Variants in MYRIP observed in about 807,000 individuals in gnomAD.
MYRIP encodes rab effector MyRIP.
Under a neutral mutation model 98.0 loss-of-function variants are expected in MYRIP, and 49 were observed. The ratio of observed to expected loss-of-function variants is 0.50; its 90% CI spans 0.40 to 0.63. The LOEUF is 0.63. Among genes scored for constraint, MYRIP ranks in the 30% least tolerant of loss-of-function variants. The pLI is 0.00. For missense variants in MYRIP, 1,004 were observed against 1,058.2 expected (o/e 0.95, Z 0.71); for synonymous variants, 404 against 409.5 (o/e 0.99, Z 0.16).
At chr3:40,076,608 G>A (rs1434745321) in intron 3 of MYRIP, among the ~76,000 whole-genome samples, 2 of 152,220 alleles carry the variant, frequency 1.3e-5, no homozygotes, top group Non-Finnish European at 2.9e-5. Flanking sequence ...GCATGGAGGA[G>A]GACCACCTTC....
chr3:40,165,583 G>A (rs575853788), intron 5 of MYRIP, among the ~76,000 whole-genome samples: 21 of 152,208 alleles, frequency 1.4e-4, no homozygotes, highest in African/African-American at 5.1e-4. Flanking sequence ...TCCTGCACAT[G>A]ATGTGACTTG....
At chr3:39,878,792 C>T (rs1284740813) in intron 1 of MYRIP, among the ~76,000 whole-genome samples, 1 of 151,652 alleles carries the variant, frequency 6.6e-6, no homozygotes, top group Non-Finnish European at 1.5e-5. Flanking sequence ...CACAGTGGCT[C>T]ACACCTGTAA....
intron 2 of MYRIP, among the ~76,000 whole-genome samples, chr3:39,953,090 T>G (rs370543156): frequency 1.3e-5 from 2 of 152,194 alleles, no homozygotes. Context: ...GAGGTTTTAC[T>G]GTTCTCTGTT....
At chr3:40,217,261 A>G (rs1406808954) in intron 11 of MYRIP, among the ~76,000 whole-genome samples, 2 of 152,168 alleles carry the variant, frequency 1.3e-5, no homozygotes, top group Non-Finnish European at 2.9e-5. Context: ...TGAGTCTCAC[A>G]CACAAAAAAT....
chr3:40,120,989 A>G (rs916834842), intron 3 of MYRIP, among the ~76,000 whole-genome samples: 2 of 152,130 alleles, frequency 1.3e-5, no homozygotes, highest in Non-Finnish European at 2.9e-5. Flanking sequence ...TCACTGAACC[A>G]TACAGAGAGG....
intron 3 of MYRIP, among the ~76,000 whole-genome samples, chr3:40,134,518 T>C (rs1714410): frequency 0.83 from 126,698 of 152,234 alleles, 52,683 homozygotes; most frequent in South Asian, 0.88. Flanking sequence ...CCCTGTCTGA[T>C]AGCTTAGAAG....
chr3:40,074,781 A>G (rs1948307696), intron 3 of MYRIP, among the ~76,000 whole-genome samples: 1 of 152,204 alleles, frequency 6.6e-6, no homozygotes, highest in African/African-American at 2.4e-5. Context: ...CCATAAGAAA[A>G]CAACCTAATT....
chr3:39,916,006 A>G (rs1262151368), intron 2 of MYRIP, among the ~76,000 whole-genome samples: 1 of 152,060 alleles, frequency 6.6e-6, no homozygotes, highest in Non-Finnish European at 1.5e-5. Flanking sequence ...TAGCCAGAAA[A>G]AAGACACTTG....
intron 3 of MYRIP, among the ~76,000 whole-genome samples, chr3:40,067,002 T>G (rs1948139168): frequency 6.6e-6 from 1 of 152,176 alleles, no homozygotes; most frequent in African/African-American, 2.4e-5. Context: ...TTTCTATAGT[T>G]TCCAAAGCTT....
rs1940599995 is a variant in MYRIP, at chr3:39,809,707, T to G, written c.-240T>G. On this transcript the variant is annotated 5_prime_UTR_variant, in exon 1 of 17. Coordinates refer to ENST00000302541, the MANE Select transcript of MYRIP (RefSeq NM_015460.4). ...CTCCTGTCGGTTCCCGGGTTCCCGC[T>G]GCGGCTGCGGTTCTGGCAGCCGAGC... The G allele has an allele frequency of 6.6e-6, 1 of 152,040 alleles. No homozygotes were observed. 9.4% of individuals were successfully genotyped at this position (152,040 alleles called of 1,614,324 possible). A position where few individuals can be genotyped will look rare whatever the true frequency, so the allele number is the denominator to read the frequency against.
chr3:40,176,985 G>A (rs1950782056), intron 8 of MYRIP, among the ~76,000 whole-genome samples: 1 of 151,586 alleles, frequency 6.6e-6, no homozygotes, highest in African/African-American at 2.4e-5. Context: ...TGAAGTGGGA[G>A]GATCCTTTGA....
chr3:40,130,840 A>T (rs1949623068), intron 3 of MYRIP, among the ~76,000 whole-genome samples: 1 of 152,116 alleles, frequency 6.6e-6, no homozygotes, highest in African/African-American at 2.4e-5. Context: ...CCTTCCCTCC[A>T]AACCTGATCC....
chr3:40,000,988 G>T (rs1007100339), intron 2 of MYRIP, among the ~76,000 whole-genome samples: 1 of 152,202 alleles, frequency 6.6e-6, no homozygotes, highest in Non-Finnish European at 1.5e-5. Flanking sequence ...TTGTATTGGT[G>T]TTTCCCAAAG....
At chr3:40,164,151 C>T (rs1386676569) in intron 5 of MYRIP, among the ~76,000 whole-genome samples, 2 of 152,148 alleles carry the variant, frequency 1.3e-5, no homozygotes, top group Non-Finnish European at 2.9e-5. Flanking sequence ...TCCCTCTCCT[C>T]ATTTCCCCAC....
chr3:40,057,198 A>G (rs1947902765), intron 3 of MYRIP, among the ~76,000 whole-genome samples: 1 of 151,972 alleles, frequency 6.6e-6, no homozygotes, highest in South Asian at 2.1e-4. Context: ...AGATTCTGGT[A>G]AGCTCCAGAT....
intron 3 of MYRIP, among the ~76,000 whole-genome samples, chr3:40,108,045 C>G (rs751573513): frequency 1.3e-5 from 2 of 152,090 alleles, no homozygotes; most frequent in Non-Finnish European, 2.9e-5. Flanking sequence ...TAATTAGAAA[C>G]CTTTGTGTGG....
chr3:40,190,644 G>A (rs1378289839), intron 10 of MYRIP, among the ~76,000 whole-genome samples, 181 bp downstream of exon 10: 5 of 152,112 alleles, frequency 3.3e-5, no homozygotes, highest in Admixed American at 1.3e-4. Context: ...GGGACTCCAC[G>A]TCCTCTTTGG....
chr3:39,823,388 G>A (rs2125575614), intron 1 of MYRIP, among the ~76,000 whole-genome samples: 1 of 152,266 alleles, frequency 6.6e-6, no homozygotes, highest in South Asian at 2.1e-4. Context: ...ATTGCTGGAT[G>A]ATACAGTAGT....
In MYRIP at chr3:40,218,598, CATATATATATATTTTAT is replaced by C. The variant is rs1200202603; in HGVS notation, c.1905+8518_1905+8534del. Reference sequence around the variant, plus strand: ...ACACATTTACACACACACACACACACATATATATATATTTTATATATATATATATATATATATATATA... The same window carrying C: ...ACACATTTACACACACACACACACACATATATATATATATATATATATATA... On this transcript the variant is annotated intron_variant, in intron 11 of 16. Coordinates refer to ENST00000302541, the MANE Select transcript of MYRIP (RefSeq NM_015460.4). Among the ~76,000 whole-genome samples, 137 of 14,120 alleles carry C rather than the reference CATATATATATATTTTAT, an allele frequency of 9.7e-3. 3 individuals are homozygous for C. Among genetic ancestry groups the C allele is most frequent in the South Asian group, 0.018 (6 of 326 alleles). The allele number at this position is 14,120 out of a possible 152,430, so 9.3% of individuals were successfully genotyped here.
Sources: allele counts gnomAD v4.1 joint callset (sites outside exome capture counted in the v4.1 genomes callset), GRCh38; gene constraint gnomAD v4.1.1; transcripts MANE v1.5; gene names NCBI Gene and HGNC (gene_info 2026-07-23, HGNC 2026-07-21).